The following NDP variants were observed in gnomAD, a reference collection of about 807,000 sequenced individuals.
The protein encoded by NDP is norrin.
Under a neutral mutation model 8.4 loss-of-function variants are expected in NDP, and 2 were observed. That is an observed-to-expected ratio of 0.24 (90% CI 0.10 to 0.75). The LOEUF (loss-of-function observed/expected upper bound fraction) is 0.75. Ranked by LOEUF, NDP falls within the 30% of genes least tolerant of loss-of-function variation. The pLI, the probability that NDP is intolerant of heterozygous loss-of-function variation, is 0.73. For synonymous variants in NDP, 55 were observed against 45.6 expected (o/e 1.21, Z -0.83); for missense variants, 81 against 110.1 (o/e 0.74, Z 1.18).
intron 2 of NDP, 25 bp from the exon 3 acceptor site, chrX:43,950,051 A>G: frequency 1.7e-6 from 2 of 1,147,315 alleles, no homozygotes; most frequent in Non-Finnish European, 1.2e-6. Context: ...GGAGGTGGTT[A>G]CTCTGTGGGC....
intron 2 of NDP, among the ~76,000 whole-genome samples, chrX:43,950,593 C>A (rs1357071451): frequency 9.1e-6 from 1 of 110,382 alleles, no homozygotes; most frequent in Admixed American, 9.7e-5. Flanking sequence ...CAATTTGGGA[C>A]AAGAGAATGA....
At chrX:43,964,527 A>G (rs2035846187) in intron 1 of NDP, among the ~76,000 whole-genome samples, 1 of 110,607 alleles carries the variant, frequency 9.0e-6, no homozygotes, top group East Asian at 2.9e-4. Flanking sequence ...TTTTTCAGGC[A>G]TTGTCAGGAA....
rs2035749900 is a variant in NDP at position 43,949,844 on chromosome X, G to A, written c.357C>T (p.Thr119=). 8.4e-7 allele frequency: 1 copy of A among 1,187,239 alleles called. No individual in the cohort carries two copies. Among genetic ancestry groups the A allele is most frequent in the Admixed American group, 2.4e-5 (1 of 42,103 alleles). Residue 119 remains threonine, a synonymous_variant, in exon 3 of 3, where the codon ACC becomes ACT. Transcript: ENST00000642620. ...RCSGGMRLTA[T]YRYILSCHCE... The stretch of plus-strand genomic sequence containing the variant: ...AGTGACAGGAGAGGATGTACCGGTA[G>A]GTGGCAGTGAGTCGCATGCCCCCTG...
chrX:43,957,000 C>T (rs1328344252), intron 2 of NDP, among the ~76,000 whole-genome samples: 2 of 112,183 alleles, frequency 1.8e-5, no homozygotes, highest in Non-Finnish European at 1.9e-5. Context: ...TTTATAGATG[C>T]TCCTATTTCT....
At chrX:43,952,145 CTG>C (rs2035767017) in intron 2 of NDP, among the ~76,000 whole-genome samples, 1 of 111,588 alleles carries the variant, frequency 9.0e-6, no homozygotes, top group African/African-American at 3.3e-5. Context: ...GCATGTACCA[CTG>C]TGCCTGGCTC....
chrX:43,970,879 T>C (rs766402029), intron 1 of NDP, among the ~76,000 whole-genome samples: 3 of 112,028 alleles, frequency 2.7e-5, no homozygotes, highest in African/African-American at 9.7e-5. Flanking sequence ...GATAAACTAC[T>C]GTCTTTTTCC....
chrX:43,959,523 CAG>C (rs2035814302), intron 1 of NDP, among the ~76,000 whole-genome samples: 1 of 112,381 alleles, frequency 8.9e-6, no homozygotes, highest in South Asian at 3.7e-4. Flanking sequence ...CACATTTCTG[CAG>C]AGCCTTTGTA....
chrX:43,959,645 A>T (rs2035815240), intron 1 of NDP, among the ~76,000 whole-genome samples: 1 of 111,690 alleles, frequency 9.0e-6, no homozygotes, highest in African/African-American at 3.3e-5. Flanking sequence ...TGTTCTTTTG[A>T]CCATACCTCT....
chrX:43,960,711 G>T (rs191019563), intron 1 of NDP: 2 of 112,264 alleles, frequency 1.8e-5, no homozygotes, highest in African/African-American at 6.5e-5. Flanking sequence ...TATCCCAAGT[G>T]GTTATCTGTC....
intron 1 of NDP, among the ~76,000 whole-genome samples, chrX:43,972,263 A>G (rs910693019): frequency 1.8e-5 from 2 of 111,280 alleles, no homozygotes; most frequent in African/African-American, 6.5e-5. Context: ...TAAAGATGGG[A>G]GTCTGCCTCT....
rs1392015225 is a variant in NDP at position 43,966,723 on chromosome X, A to G, written c.-208+6581T>C. 3 of 111,920 alleles carry G rather than the reference A, an allele frequency of 2.7e-5. No homozygotes were observed. The East Asian group carries it at 8.5e-4, about 32-fold the overall frequency. The allele number at this position is 111,920 out of a possible 1,213,427, so 9.2% of individuals were successfully genotyped here. A position where few individuals can be genotyped will look rare whatever the true frequency, so the allele number is the denominator to read the frequency against. On this transcript the variant is annotated intron_variant, in intron 1 of 2. Transcript: ENST00000642620. Reference sequence around the variant, plus strand: ...CTCAGGAGGAGAGGTGACCAATGTTAGCTCAGGGTACAGGCTCTCTTTTAC... The same window carrying G: ...CTCAGGAGGAGAGGTGACCAATGTTGGCTCAGGGTACAGGCTCTCTTTTAC...
intron 1 of NDP, among the ~76,000 whole-genome samples, chrX:43,964,286 GGAGGAATATGGCCAGGGAAA>G (rs1230494994): frequency 4.5e-5 from 5 of 111,490 alleles, no homozygotes; most frequent in African/African-American, 1.6e-4. Context: ...CAAAAAGGAT[GGAGGAATATGGCCAGGGAAA>G]GAGGCAATGA....
chrX:43,966,059 A>T (rs1000389509), intron 1 of NDP, among the ~76,000 whole-genome samples: 1 of 112,192 alleles, frequency 8.9e-6, no homozygotes, highest in Non-Finnish European at 1.9e-5. Flanking sequence ...TTTAGAATAC[A>T]AATCTTGCAT....
intron 2 of NDP, among the ~76,000 whole-genome samples, chrX:43,954,208 G>A (rs1298393033): frequency 9.0e-6 from 1 of 111,352 alleles, no homozygotes; most frequent in Non-Finnish European, 1.9e-5. Flanking sequence ...CTTTCCCCAC[G>A]GGCAGCCTCA....
At chrX:43,953,127 A>AACAC (rs58114928) in intron 2 of NDP, among the ~76,000 whole-genome samples, 1,569 of 98,220 alleles carry the variant, frequency 0.016, 28 homozygotes, top group African/African-American at 0.046. Flanking sequence ...TGATGTTCTC[A>AACAC]ACACACACAC....
rs534786107 is a variant in NDP, at chrX:43,969,946, C to T, written c.-208+3358G>A. 1.7e-4 allele frequency among the ~76,000 whole-genome samples: 19 copies of T among 111,799 alleles called. No homozygotes were observed. The South Asian group carries it at 6.5e-3, about 38-fold the overall frequency. ...GGAAGGACTTGCAGGAAACAAGTAC[C>T]CAGACATGGCACTGCCAGTCTAGCT... On this transcript the variant is annotated intron_variant, in intron 1 of 2. Coordinates refer to ENST00000642620, the MANE Select transcript of NDP (RefSeq NM_000266.4).
At chrX:43,952,784 A>G (rs12007430) in intron 2 of NDP, among the ~76,000 whole-genome samples, 3,328 of 111,997 alleles carry the variant, frequency 0.03, 119 homozygotes, top group African/African-American at 0.1. Flanking sequence ...GACATGTACA[A>G]TAAATGCCTT....
In NDP at chrX:43,958,655, G is replaced by GA. The variant is rs2035809469; in HGVS notation, c.-11dup. ...GTACATGTTTTCTCATTGTTGTAAG[G>GA]AAAAACTTCTCTAGAAGAACAGCAG... On this transcript the variant is annotated 5_prime_UTR_variant, in exon 2 of 3. Transcript: ENST00000642620. The GA allele has an allele frequency of 1.7e-6, 2 of 1,205,804 alleles. No individual in the cohort carries two copies. The highest frequency in any genetic ancestry group is 4.3e-5 in the Admixed American group (2 of 45,998).
chrX:43,959,095 G>A (rs767329090), intron 1 of NDP, among the ~76,000 whole-genome samples: 1 of 112,027 alleles, frequency 8.9e-6, no homozygotes, highest in East Asian at 2.8e-4. Flanking sequence ...TTTAATTGCT[G>A]AAGTCCATGT....
Sources: gnomAD v4.1 joint callset for allele counts (sites outside exome capture counted in the v4.1 genomes callset) on GRCh38, gnomAD v4.1.1 for gene constraint, MANE v1.5 for transcripts, NCBI Gene and HGNC (gene_info 2026-07-23, HGNC 2026-07-21) for gene names.